RBM20: variants seen among roughly 807,000 people sequenced by gnomAD.
RBM20 encodes RNA binding motif protein 20.
RBM20 carries 51 observed loss-of-function variants against 110.1 expected under a neutral mutation model. The observed-to-expected ratio is 0.46, with a 90% CI of 0.37 to 0.59. The LOEUF (loss-of-function observed/expected upper bound fraction) is 0.59. RBM20 is among the 20% of genes least tolerant of loss of function. The pLI, the probability that RBM20 is intolerant of heterozygous loss-of-function variation, is 0.00. For synonymous variants in RBM20, 589 were observed against 618.2 expected, an observed-to-expected ratio of 0.95 and a Z score of 0.70; for missense variants, 1,512 against 1,574.9, an observed-to-expected ratio of 0.96 and a Z score of 0.68.
intron 13 of RBM20, among the ~76,000 whole-genome samples, chr10:110,831,984 A>G (rs372135671): frequency 2.7e-4 from 41 of 152,378 alleles, no homozygotes; most frequent in African/African-American, 9.4e-4. Context: ...CCAACTAGAA[A>G]AAAAATGTTG....
intron 1 of RBM20, among the ~76,000 whole-genome samples, chr10:110,663,875 C>G (rs1862141168): frequency 6.6e-6 from 1 of 152,160 alleles, no homozygotes; most frequent in Admixed American, 6.5e-5. Context: ...TGTACTGACA[C>G]TAATATATAT....
intron 5 of RBM20, among the ~76,000 whole-genome samples, chr10:110,788,983 G>A (rs748793586): frequency 3.9e-5 from 6 of 152,208 alleles, no homozygotes; most frequent in African/African-American, 1.4e-4. Context: ...GAAATTCCCC[G>A]GTTGTCTCCC....
chr10:110,786,589 T>G lies in RBM20; in HGVS notation c.1527+1700T>G, dbSNP rs151200389. ...AAGAGAATTTTGTGGTTTCCCTCTCTGCACTCTGCTCGCTCAGAGCCATGC... is the reference window on the plus strand; with the variant it reads ...AAGAGAATTTTGTGGTTTCCCTCTCGGCACTCTGCTCGCTCAGAGCCATGC... On this transcript the variant is annotated intron_variant, in intron 5 of 13. Transcript: ENST00000369519. Among the ~76,000 whole-genome samples the G allele has an allele frequency of 9.8e-4, 149 of 152,366 alleles. 1 individual carries two copies. The East Asian group carries it at 0.021, about 22-fold the overall frequency.
Position 110,669,663 on chromosome 10 carries a change from C to T in RBM20, c.191+25018C>T, listed in dbSNP as rs191216085. On this transcript the variant is annotated intron_variant, in intron 1 of 13. Coordinates refer to ENST00000369519, the MANE Select transcript of RBM20 (RefSeq NM_001134363.3). ...TGTCCAAACCCTGGGCTCAAGCGGTCCTCCAGCTTTGGCCTCCCAAAGTGT... is the reference window on the plus strand; with the variant it reads ...TGTCCAAACCCTGGGCTCAAGCGGTTCTCCAGCTTTGGCCTCCCAAAGTGT... 2.0e-5 allele frequency among the ~76,000 whole-genome samples: 3 copies of T among 152,348 alleles called. No homozygotes were observed. The East Asian group carries it at 5.8e-4, about 29-fold the overall frequency.
At chr10:110,815,015 C>G (rs889851124) in intron 9 of RBM20, among the ~76,000 whole-genome samples, 67 of 152,250 alleles carry the variant, frequency 4.4e-4, no homozygotes, top group African/African-American at 1.6e-3. Context: ...AAAACCAACT[C>G]AAAAGAGAAT....
intron 1 of RBM20, among the ~76,000 whole-genome samples, chr10:110,771,023 G>A (rs973032460): frequency 2.6e-5 from 4 of 152,218 alleles, no homozygotes; most frequent in Non-Finnish European, 4.4e-5. Flanking sequence ...TCTCTGTAGA[G>A]CTTCATCTTT....
chr10:110,731,835 G>C (rs551993103), intron 1 of RBM20, among the ~76,000 whole-genome samples: 7 of 152,248 alleles, frequency 4.6e-5, no homozygotes, highest in Non-Finnish European at 7.4e-5. Context: ...AGCTTAATTT[G>C]CAAAATGTCC....
rs1172371194 is a variant in RBM20, at chr10:110,780,912, C to T, written c.303C>T (p.His101=). The change falls in exon 2 of 14, where the codon CAC becomes CAT. Residue 101 remains histidine (H), a synonymous_variant. Transcript: ENST00000369519. ...AACTGCAGGCCCAGCTCACCCTCCACCGGCTGAAGCTGGCACAGACAGCTG... is the reference window on the plus strand; with the variant it reads ...AACTGCAGGCCCAGCTCACCCTCCATCGGCTGAAGCTGGCACAGACAGCTG... ...LAQLQAQLTL[H]RLKLAQTAVT... 1 of 1,551,742 alleles carries T rather than the reference C, an allele frequency of 6.4e-7. No individual in the cohort carries two copies. The highest frequency in any genetic ancestry group is 2.4e-5 in the East Asian group (1 of 40,920).
chr10:110,797,886 T>A (rs1002103970), intron 6 of RBM20, among the ~76,000 whole-genome samples: 1 of 152,154 alleles, frequency 6.6e-6, no homozygotes, highest in Non-Finnish European at 1.5e-5. Context: ...TGAGAGGAGA[T>A]GCTTTGGAAT....
chr10:110,765,557 C>T (rs939896070), intron 1 of RBM20, among the ~76,000 whole-genome samples: 4 of 152,030 alleles, frequency 2.6e-5, no homozygotes, highest in African/African-American at 4.8e-5. Flanking sequence ...TTCTGTTGTG[C>T]GGTTCAGGGT....
chr10:110,766,471 G>A (rs1024350590), intron 1 of RBM20, among the ~76,000 whole-genome samples: 7 of 151,732 alleles, frequency 4.6e-5, no homozygotes, highest in South Asian at 2.1e-4. Context: ...AGGACCCTGC[G>A]GCCTTCCGCA....
At chr10:110,771,944 G>A (rs1450296214) in intron 1 of RBM20, among the ~76,000 whole-genome samples, 2 of 152,052 alleles carry the variant, frequency 1.3e-5, no homozygotes, top group African/African-American at 2.4e-5. Context: ...TATACATTTC[G>A]AAAAGCTCAT....
chr10:110,644,472 C>T lies in RBM20; in HGVS notation c.18C>T (p.Ala6=), dbSNP rs1395432885. The change falls in exon 1 of 14, where the codon GCC becomes GCT. Residue 6 remains alanine, a synonymous_variant. Transcript: ENST00000369519. This position sits in a 1 kb window ranked among gnomAD's most constrained non-coding sequence, Gnocchi z 4.3. The part of the protein sequence containing the change: MVLAA[A]MSQDADPSGP... ...CGCCCCGCATGGTGCTGGCAGCAGC[C>T]ATGAGCCAGGACGCGGACCCCAGCG... 3 of 1,518,728 alleles carry T rather than the reference C, an allele frequency of 2.0e-6. No individual in the cohort carries two copies. The highest frequency in any genetic ancestry group is 1.8e-6 in the Non-Finnish European group (2 of 1,137,772). 94.1% of individuals were successfully genotyped at this position (1,518,728 alleles called of 1,614,324 possible).
chr10:110,746,169 G>T (rs548878195), intron 1 of RBM20, among the ~76,000 whole-genome samples: 1 of 152,290 alleles, frequency 6.6e-6, no homozygotes, highest in East Asian at 1.9e-4. Context: ...GGAGGCTGGT[G>T]CGGGCTTGTT....
intron 12 of RBM20, among the ~76,000 whole-genome samples, chr10:110,828,640 G>A (rs1189184005): frequency 1.3e-5 from 2 of 150,752 alleles, no homozygotes; most frequent in African/African-American, 4.8e-5. Flanking sequence ...AAAATGATAG[G>A]TGATTCCCCT....
intron 1 of RBM20, among the ~76,000 whole-genome samples, chr10:110,751,834 GGGGAGATAGA>G (rs1193872067): frequency 1.3e-5 from 2 of 152,098 alleles, no homozygotes; most frequent in African/African-American, 4.8e-5. Context: ...AAGGAACTTG[GGGGAGATAGA>G]GCAGATCCTC....
At chr10:110,818,768 A>T (rs1178100011) in intron 9 of RBM20, among the ~76,000 whole-genome samples, 1 of 152,190 alleles carries the variant, frequency 6.6e-6, no homozygotes, top group Admixed American at 6.5e-5. Context: ...TGGGAAGGGT[A>T]AGGATTATTC....
intron 1 of RBM20, among the ~76,000 whole-genome samples, chr10:110,718,698 G>A (rs188788727): frequency 2.6e-3 from 360 of 139,806 alleles, no homozygotes; most frequent in Non-Finnish European, 4.2e-3. Context: ...TACAACATCC[G>A]CCTCCGAGGT....
chr10:110,659,770 T>C (rs1011833394), intron 1 of RBM20, among the ~76,000 whole-genome samples: 2 of 151,494 alleles, frequency 1.3e-5, no homozygotes, highest in African/African-American at 4.9e-5. Flanking sequence ...CTTCCTCTTC[T>C]TCCTCTTCCT....
Sources: allele counts gnomAD v4.1 joint callset (sites outside exome capture counted in the v4.1 genomes callset), GRCh38; gene constraint gnomAD v4.1.1; non-coding constraint Gnocchi (gnomAD v3.1); transcripts MANE v1.5; gene names NCBI Gene and HGNC (gene_info 2026-07-23, HGNC 2026-07-21).